The following MARCHF1 variants were observed in gnomAD, a reference collection of about 807,000 sequenced individuals.
MARCHF1 encodes membrane associated ring-CH-type finger 1, also known as E3 ubiquitin-protein ligase MARCHF1.
Under a neutral mutation model 54.2 loss-of-function variants are expected in MARCHF1, and 40 were observed. That is an observed-to-expected ratio of 0.74 (90% CI 0.57 to 0.96). The LOEUF (loss-of-function observed/expected upper bound fraction) is 0.96. Ranked by LOEUF, MARCHF1 falls within the 40% of genes least tolerant of loss-of-function variation. The pLI, the probability that MARCHF1 is intolerant of heterozygous loss-of-function variation, is 0.00. For missense variants in MARCHF1, 586 were observed against 656.5 expected, an observed-to-expected ratio of 0.89 and a Z score of 1.17; for synonymous variants, 236 against 236.3, an observed-to-expected ratio of 1.00 and a Z score of 0.01.
chr4:164,127,302 AAGAG>A (rs1756205340), intron 1 of MARCHF1, among the ~76,000 whole-genome samples: 1 of 152,176 alleles, frequency 6.6e-6, no homozygotes, highest in African/African-American at 2.4e-5. Context: ...AAAATGCAAG[AAGAG>A]AGAAACAACT....
chr4:164,126,466 C>T (rs12511850), intron 1 of MARCHF1, among the ~76,000 whole-genome samples: 61,517 of 152,026 alleles, frequency 0.4, 13,632 homozygotes, highest in Non-Finnish European at 0.49. Flanking sequence ...GTTAAAACAA[C>T]CCAAATGAAC....
chr4:164,177,009 T>TATATACACAC (rs1553989397), intron 1 of MARCHF1, among the ~76,000 whole-genome samples: 1 of 55,576 alleles, frequency 1.8e-5, no homozygotes, highest in Admixed American at 2.0e-4. Context: ...TATATATATA[T>TATATACACAC]ACAAATGATA....
intron 1 of MARCHF1, among the ~76,000 whole-genome samples, chr4:164,285,333 T>C (rs1036779005): frequency 6.6e-6 from 1 of 152,130 alleles, no homozygotes; most frequent in Non-Finnish European, 1.5e-5. Flanking sequence ...GGTTCAAGGC[T>C]GCAGTGCATT....
chr4:164,335,506 C>T (rs111731480), intron 1 of MARCHF1, among the ~76,000 whole-genome samples: 3 of 151,022 alleles, frequency 2.0e-5, no homozygotes, highest in South Asian at 2.1e-4. Flanking sequence ...GGCGTGAACC[C>T]GGGAGGCGGA....
At chr4:163,554,388 A>G (rs1739216191) in intron 8 of MARCHF1, among the ~76,000 whole-genome samples, 1 of 152,334 alleles carries the variant, frequency 6.6e-6, no homozygotes, top group Middle Eastern at 3.4e-3. Context: ...CCAAGGGAAC[A>G]TAGAAGGTGT....
At chr4:163,721,430 C>T (rs966707379) in intron 4 of MARCHF1, among the ~76,000 whole-genome samples, 1 of 152,032 alleles carries the variant, frequency 6.6e-6, no homozygotes, top group East Asian at 1.9e-4. Flanking sequence ...ATTTGGTTTG[C>T]CAGTATTTTA....
chr4:164,088,814 A>G (rs1388213952), intron 2 of MARCHF1, among the ~76,000 whole-genome samples: 3 of 152,206 alleles, frequency 2.0e-5, no homozygotes, highest in Admixed American at 6.5e-5. Flanking sequence ...TTAATAAGAT[A>G]ATCATAAAAC....
intron 1 of MARCHF1, among the ~76,000 whole-genome samples, chr4:164,125,386 A>G (rs1013394361): frequency 6.6e-6 from 1 of 152,128 alleles, no homozygotes; most frequent in Non-Finnish European, 1.5e-5. Context: ...CCCACTCTGC[A>G]TTGGAAGTTT....
At chr4:164,086,133 T>G (rs2111122740) in intron 2 of MARCHF1, among the ~76,000 whole-genome samples, 1 of 151,984 alleles carries the variant, frequency 6.6e-6, no homozygotes, top group Non-Finnish European at 1.5e-5. Flanking sequence ...ATAAACATCA[T>G]TAGCTCTGAG....
chr4:164,083,353 A>G (rs1250681377), intron 2 of MARCHF1, among the ~76,000 whole-genome samples: 1 of 152,126 alleles, frequency 6.6e-6, no homozygotes. Context: ...GTATCATACA[A>G]AATTAAACAA....
chr4:164,165,807 C>T (rs1730365798), intron 1 of MARCHF1, among the ~76,000 whole-genome samples: 1 of 151,924 alleles, frequency 6.6e-6, no homozygotes, highest in Non-Finnish European at 1.5e-5. Context: ...ATAATTTAAG[C>T]TGCTGTGTTT....
At chr4:163,846,298 G>A (rs939593626) in intron 4 of MARCHF1, among the ~76,000 whole-genome samples, 1 of 152,158 alleles carries the variant, frequency 6.6e-6, no homozygotes, top group African/African-American at 2.4e-5. Context: ...ATAAGGGTGA[G>A]TCTGTTAGAA....
At chr4:163,712,967 GA>G (rs1416167768) in intron 4 of MARCHF1, among the ~76,000 whole-genome samples, 1 of 151,980 alleles carries the variant, frequency 6.6e-6, no homozygotes, top group Admixed American at 6.6e-5. Flanking sequence ...CATACACCAT[GA>G]AAAAAATCAA....
intron 3 of MARCHF1, among the ~76,000 whole-genome samples, chr4:163,880,780 A>G (rs949547889): frequency 6.6e-6 from 1 of 152,224 alleles, no homozygotes; most frequent in Non-Finnish European, 1.5e-5. Context: ...TTCTAAAAAT[A>G]ATTTATTGCA....
At chr4:163,863,740 C>G (rs957467576) in intron 3 of MARCHF1, among the ~76,000 whole-genome samples, 1 of 151,914 alleles carries the variant, frequency 6.6e-6, no homozygotes, top group Non-Finnish European at 1.5e-5. Flanking sequence ...TAAAAGGAAC[C>G]AGGGCTGCTT....
In MARCHF1 at chr4:163,612,330, G is replaced by A; in HGVS notation, c.951C>T (p.Asn317=). 1 of 1,534,138 alleles carries A rather than the reference G, an allele frequency of 6.5e-7. No homozygotes were observed. The highest frequency in any genetic ancestry group is 8.7e-7 in the Non-Finnish European group (1 of 1,146,024). The change falls in exon 7 of 10, where the codon AAC becomes AAT. Residue 317 remains asparagine (N), a synonymous_variant. Transcript: ENST00000514618. ...DMNDAGLQVN[N]PVQKPPATYD... is the part of the protein sequence containing the mutation. Reference sequence around the variant, plus strand: ...AGGTGGCAGGAGGCTTCTGAACAGGGTTATTCACCTGGAGCCCTGCATCAT... The same window carrying A: ...AGGTGGCAGGAGGCTTCTGAACAGGATTATTCACCTGGAGCCCTGCATCAT...
intron 3 of MARCHF1, among the ~76,000 whole-genome samples, chr4:163,884,696 T>C (rs535695698): frequency 6.6e-6 from 1 of 152,304 alleles, no homozygotes; most frequent in Non-Finnish European, 1.5e-5. Flanking sequence ...GAGATCTCTT[T>C]TATCTTCAGT....
chr4:164,328,220 C>G (rs77548650), intron 1 of MARCHF1, among the ~76,000 whole-genome samples: 2,235 of 152,188 alleles, frequency 0.015, 71 homozygotes, highest in East Asian at 0.12. Flanking sequence ...ATTAGTGCAT[C>G]AAATTAGGTG....
chr4:164,282,994 C>A (rs1055476780), intron 1 of MARCHF1, among the ~76,000 whole-genome samples: 2 of 151,156 alleles, frequency 1.3e-5, no homozygotes, highest in Non-Finnish European at 1.5e-5. Context: ...ATGGGGTAAA[C>A]TTGTTTCCCT....
Sources: gnomAD v4.1 joint callset for allele counts (sites outside exome capture counted in the v4.1 genomes callset) on GRCh38, gnomAD v4.1.1 for gene constraint, MANE v1.5 for transcripts, NCBI Gene and HGNC (gene_info 2026-07-23, HGNC 2026-07-21) for gene names.